PDZRN3: variants seen among roughly 807,000 people sequenced by gnomAD.
The protein encoded by PDZRN3 is PDZ domain containing ring finger 3.
PDZRN3 carries 38 observed loss-of-function variants against 85.7 expected under a neutral mutation model. That is an observed-to-expected ratio of 0.44 (90% confidence interval 0.34 to 0.58). The LOEUF (loss-of-function observed/expected upper bound fraction) is 0.58, where lower values mean the gene tolerates loss of function less well. Among genes scored for constraint, PDZRN3 ranks in the 20% least tolerant of loss-of-function variants. The pLI is 0.01. For missense variants in PDZRN3, 1,629 were observed against 1,506.4 expected (o/e 1.08, Z -1.35); for synonymous variants, 759 against 638.0 (o/e 1.19, Z -2.86).
chr3:73,384,746 G>T lies in PDZRN3; in HGVS notation c.1820C>A (p.Thr607Asn), dbSNP rs146862573. 1 of 1,613,990 alleles carries T rather than the reference G, an allele frequency of 6.2e-7. No homozygotes were observed. Reference protein sequence around the residue: ...SNPLAGQRKLTCSQDTLGSGD... With the variant: ...SNPLAGQRKLNCSQDTLGSGD... ...GCTGCCCAAGGTGTCCTGGCTGCAG[G>T]TGAGCTTCCTCTGCCCCGCCAGCGG... The change falls in exon 10 of 10, where the codon ACC (threonine) becomes AAC (asparagine). Residue 607 changes from threonine (T) to asparagine (N), a missense_variant. Transcript: ENST00000263666.
chr3:73,615,220 T>C (rs1395504872), intron 1 of PDZRN3, among the ~76,000 whole-genome samples: 2 of 152,234 alleles, frequency 1.3e-5, no homozygotes, highest in Non-Finnish European at 2.9e-5. Flanking sequence ...TAAAAAAGTC[T>C]GCTACTATAT....
intron 3 of PDZRN3, among the ~76,000 whole-genome samples, chr3:73,594,661 G>C (rs1348210156): frequency 1.3e-5 from 2 of 151,836 alleles, no homozygotes; most frequent in African/African-American, 2.4e-5. Context: ...ATTTCAACAT[G>C]TTCCTTCTAA....
intron 2 of PDZRN3, among the ~76,000 whole-genome samples, chr3:73,603,474 T>C (rs530551533): frequency 6.6e-6 from 1 of 152,206 alleles, no homozygotes; most frequent in Non-Finnish European, 1.5e-5. Flanking sequence ...AAATTTCTAG[T>C]GATTAACAGA....
At chr3:73,508,792 A>G (rs1208160892) in intron 3 of PDZRN3, among the ~76,000 whole-genome samples, 1 of 152,228 alleles carries the variant, frequency 6.6e-6, no homozygotes, top group Non-Finnish European at 1.5e-5. Context: ...CAAAATTGAT[A>G]CATTGGAAAA....
At chr3:73,526,596 A>T (rs1393928043) in intron 3 of PDZRN3, among the ~76,000 whole-genome samples, 5 of 152,242 alleles carry the variant, frequency 3.3e-5, no homozygotes, top group African/African-American at 1.2e-4. Context: ...TTCAATTATG[A>T]ACTGAGGACA....
intron 3 of PDZRN3, among the ~76,000 whole-genome samples, chr3:73,600,221 A>C (rs1702492733): frequency 6.6e-6 from 1 of 151,846 alleles, no homozygotes. Flanking sequence ...CTTACGGTGA[A>C]GATCTGGTGG....
chr3:73,406,575 T>G (rs543531894), intron 3 of PDZRN3, among the ~76,000 whole-genome samples: 4 of 152,200 alleles, frequency 2.6e-5, no homozygotes, highest in Non-Finnish European at 5.9e-5. Flanking sequence ...CACGCTGGTC[T>G]TCTGCCCTTG....
rs980263016 is a variant in PDZRN3 at position 73,624,034 on chromosome 3, A to G, written c.723+69T>C. ...AAGCTCGGGGCATCCCTGTACCCAA[A>G]GGGATGGGGCGGGGCCCTGGGTCCC... On this transcript the variant is annotated intron_variant, in intron 1 of 9. Transcript: ENST00000263666. 3.0e-6 allele frequency: 4 copies of G among 1,352,622 alleles called. No individual in the cohort carries two copies. In the African/African-American group the frequency reaches 4.6e-5, roughly 16 times the overall value. 83.8% of individuals were successfully genotyped at this position (1,352,622 alleles called of 1,614,324 possible).
chr3:73,616,596 G>C (rs1204739227), intron 1 of PDZRN3, among the ~76,000 whole-genome samples: 1 of 152,168 alleles, frequency 6.6e-6, no homozygotes, highest in Non-Finnish European at 1.5e-5. Context: ...GCAGCAGGAG[G>C]CTTACAATGA....
chr3:73,612,579 T>C (rs1162305202), intron 1 of PDZRN3, among the ~76,000 whole-genome samples: 2 of 152,224 alleles, frequency 1.3e-5, no homozygotes, highest in Admixed American at 1.3e-4. Flanking sequence ...GTCCATTGCA[T>C]CTGGCAAGGA....
chr3:73,538,892 T>C (rs1704851397), intron 3 of PDZRN3, among the ~76,000 whole-genome samples: 1 of 152,160 alleles, frequency 6.6e-6, no homozygotes, highest in Admixed American at 6.6e-5. Flanking sequence ...CTCACTGTGT[T>C]TCTTTAAGGT....
At chr3:73,551,947 A>G (rs1157903463) in intron 3 of PDZRN3, among the ~76,000 whole-genome samples, 3 of 152,146 alleles carry the variant, frequency 2.0e-5, no homozygotes, top group East Asian at 1.9e-4. Context: ...GTAATTCTCA[A>G]TGCCACACTG....
intron 3 of PDZRN3, among the ~76,000 whole-genome samples, chr3:73,427,379 GGCTCTGCTGT>G (rs1447899060): frequency 4.6e-5 from 7 of 152,136 alleles, no homozygotes; most frequent in Admixed American, 4.6e-4. Flanking sequence ...GGATTAGTGG[GGCTCTGCTGT>G]GCCTTCACCC....
chr3:73,581,659 C>T (rs1310156001), intron 3 of PDZRN3, among the ~76,000 whole-genome samples: 2 of 151,968 alleles, frequency 1.3e-5, no homozygotes, highest in Admixed American at 1.3e-4. Flanking sequence ...AAAGTGGACT[C>T]ACACTCATAT....
At chr3:73,457,910 T>G (rs1413595761) in intron 3 of PDZRN3, among the ~76,000 whole-genome samples, 1 of 152,192 alleles carries the variant, frequency 6.6e-6, no homozygotes, top group South Asian at 2.1e-4. Context: ...CCTCCAGAAC[T>G]GCAAGAAGTA....
At chr3:73,393,553 G>T (rs1701572071) in intron 5 of PDZRN3, among the ~76,000 whole-genome samples, 1 of 152,180 alleles carries the variant, frequency 6.6e-6, no homozygotes, top group African/African-American at 2.4e-5. Context: ...GAGTTACACA[G>T]TCACACACAG....
intron 3 of PDZRN3, among the ~76,000 whole-genome samples, chr3:73,461,754 T>C (rs1167778759): frequency 6.6e-6 from 1 of 152,198 alleles, no homozygotes; most frequent in African/African-American, 2.4e-5. Context: ...AAAGTATGTG[T>C]TGTGGTAACT....
chr3:73,594,309 T>C (rs1702402747), intron 3 of PDZRN3, among the ~76,000 whole-genome samples: 2 of 152,200 alleles, frequency 1.3e-5, no homozygotes, highest in South Asian at 4.1e-4. Context: ...TCAATAATTC[T>C]ATAGCAGCTC....
intron 3 of PDZRN3, among the ~76,000 whole-genome samples, chr3:73,431,320 C>A (rs932998480): frequency 5.9e-5 from 9 of 152,136 alleles, no homozygotes; most frequent in African/African-American, 1.7e-4. Flanking sequence ...CACAGCAGCC[C>A]CCAAAAAGAA....
Sources: gnomAD v4.1 joint callset for allele counts (sites outside exome capture counted in the v4.1 genomes callset) on GRCh38, gnomAD v4.1.1 for gene constraint, MANE v1.5 for transcripts, NCBI Gene and HGNC (gene_info 2026-07-23, HGNC 2026-07-21) for gene names.